The following RCOR3 variants were observed in gnomAD, a reference collection of about 807,000 sequenced individuals.
RCOR3 encodes the protein REST corepressor 3.
RCOR3 carries 13 observed loss-of-function variants against 64.1 expected under a neutral mutation model. The ratio of observed to expected loss-of-function variants is 0.20; its 90% confidence interval spans 0.13 to 0.32. The LOEUF (loss-of-function observed/expected upper bound fraction) is 0.32, where lower values mean the gene tolerates loss of function less well. Among genes scored for constraint, RCOR3 ranks in the 10% least tolerant of loss-of-function variants. The pLI is 1.00. For synonymous variants in RCOR3, 215 were observed against 239.0 expected, an observed-to-expected ratio of 0.90 and a Z score of 0.93; for missense variants, 489 against 701.2, an observed-to-expected ratio of 0.70 and a Z score of 3.42.
chr1:211,297,851 A>G (rs540752364), intron 9 of RCOR3, among the ~76,000 whole-genome samples: 71 of 152,226 alleles, frequency 4.7e-4, no homozygotes, highest in Non-Finnish European at 9.7e-4. Flanking sequence ...CAGGTAATCT[A>G]TCTCCTTACC....
At chr1:211,292,962 T>A (rs1347919444) in intron 8 of RCOR3, among the ~76,000 whole-genome samples, 4 of 152,018 alleles carry the variant, frequency 2.6e-5, no homozygotes, top group South Asian at 2.1e-4. Flanking sequence ...CAGGCTCCTG[T>A]AATCCCAGCT....
chr1:211,283,740 C>T (rs1220710538), intron 7 of RCOR3, among the ~76,000 whole-genome samples: 3 of 151,780 alleles, frequency 2.0e-5, no homozygotes, highest in African/African-American at 7.3e-5. Context: ...AACTTCTGGG[C>T]TCAAATGATC....
At position 211,314,813 on chromosome 1, in the gene RCOR3, A is replaced by G. The variant is rs1701783906; in HGVS notation, c.*1045A>G. 1 of 152,190 alleles carries G rather than the reference A, an allele frequency of 6.6e-6. No homozygotes were observed. The highest frequency in any genetic ancestry group is 1.5e-5 in the Non-Finnish European group (1 of 68,014). 9.4% of individuals were successfully genotyped at this position (152,190 alleles called of 1,614,324 possible). A position where few individuals can be genotyped will look rare whatever the true frequency, so the allele number is the denominator to read the frequency against. On this transcript the variant is annotated 3_prime_UTR_variant, in exon 12 of 12. Transcript: ENST00000419091. ...TTAATATGAAAGGTGTTTTATTGAT[A>G]AATCTATTGTACTATTTGGATACAT...
At chr1:211,275,152 G>A (rs1357538434) in intron 4 of RCOR3, among the ~76,000 whole-genome samples, 1 of 151,804 alleles carries the variant, frequency 6.6e-6, no homozygotes, top group African/African-American at 2.4e-5. Flanking sequence ...TTTCAACTAA[G>A]TATTATTTCA....
intron 2 of RCOR3, among the ~76,000 whole-genome samples, chr1:211,264,228 T>C (rs1344555563): frequency 6.6e-6 from 1 of 152,202 alleles, no homozygotes; most frequent in Non-Finnish European, 1.5e-5. Flanking sequence ...TTTATGGAGA[T>C]TGTTGACCCA....
rs1418961052 is a variant in RCOR3 at position 211,314,610 on chromosome 1, T to C, written c.*842T>C. Reference sequence around the variant, plus strand: ...TTGAAAATGGAGTTGGTTTTTTTTGTTTCTAAATGCTATCTGCTTTTAACT... The same window carrying C: ...TTGAAAATGGAGTTGGTTTTTTTTGCTTCTAAATGCTATCTGCTTTTAACT... On this transcript the variant is annotated 3_prime_UTR_variant, in exon 12 of 12. Transcript: ENST00000419091. 1 of 152,186 alleles carries C rather than the reference T, an allele frequency of 6.6e-6. No homozygotes were observed. Among genetic ancestry groups the C allele is most frequent in the Non-Finnish European group, 1.5e-5 (1 of 68,006 alleles). 9.4% of individuals were successfully genotyped at this position (152,186 alleles called of 1,614,324 possible). A position where few individuals can be genotyped will look rare whatever the true frequency, so the allele number is the denominator to read the frequency against.
intron 2 of RCOR3, among the ~76,000 whole-genome samples, chr1:211,269,957 A>G (rs191817131): frequency 0.012 from 1,873 of 152,290 alleles, 14 homozygotes; most frequent in Middle Eastern, 0.071. Flanking sequence ...GCAAGACTTC[A>G]CATGTTTAAA....
chr1:211,305,476 A>G (rs1021404509), intron 10 of RCOR3, among the ~76,000 whole-genome samples: 2 of 152,204 alleles, frequency 1.3e-5, no homozygotes, highest in African/African-American at 2.4e-5. Context: ...CTACATGTTT[A>G]ATATAGTCAT....
In RCOR3 at chr1:211,289,099, TTCTAATA is replaced by T. The variant is rs1698930557; in HGVS notation, c.721-77_721-71del. 5.5e-6 allele frequency: 6 copies of T among 1,088,038 alleles called. 1 individual carries two copies. Among genetic ancestry groups the T allele is most frequent in the Non-Finnish European group, 8.4e-6 (6 of 713,232 alleles). 67.4% of individuals were successfully genotyped at this position (1,088,038 alleles called of 1,614,324 possible). A position where few individuals can be genotyped will look rare whatever the true frequency, so the allele number is the denominator to read the frequency against. ...TATGTGTACTTATTGCAGCAGATAC[TTCTAATA>T]TTAATAGACTGTTTTCACTTTATAC... is the stretch of plus-strand genomic sequence containing the variant. On this transcript the variant is annotated intron_variant, in intron 7 of 11. Coordinates refer to ENST00000419091, the MANE Select transcript of RCOR3 (RefSeq NM_001136223.3).
chr1:211,300,071 C>CTTTTTT (rs11419492), intron 9 of RCOR3, among the ~76,000 whole-genome samples: 36 of 121,256 alleles, frequency 3.0e-4, no homozygotes, highest in South Asian at 5.4e-4. Flanking sequence ...TTCTTTCTTT[C>CTTTTTT]TTTTTTTTTT....
At position 211,270,764 on chromosome 1, in the gene RCOR3, GTAATGTAAATCTGTTTTCCTTC is replaced by G. The variant is rs1696047282; in HGVS notation, c.224-466_224-445del. Among the ~76,000 whole-genome samples the G allele has an allele frequency of 3.9e-5, 6 of 152,010 alleles. No individual in the cohort carries two copies. In the East Asian group the frequency reaches 9.7e-4, roughly 24 times the overall value. On this transcript the variant is annotated intron_variant, in intron 2 of 11. Coordinates refer to ENST00000419091, the MANE Select transcript of RCOR3 (RefSeq NM_001136223.3). ...TTTATAAGCAAAATATTTACTATAT[GTAATGTAAATCTGTTTTCCTTC>G]TGTTTTCCTATATTTTCTTTACTTG...
intron 9 of RCOR3, 54 bp downstream of exon 9, chr1:211,295,807 G>C: frequency 7.2e-7 from 1 of 1,384,550 alleles, no homozygotes; most frequent in Non-Finnish European, 1.0e-6. Flanking sequence ...TGTTTTTTCA[G>C]TTATCTAGTG....
chr1:211,285,683 T>C (rs1325791292), intron 7 of RCOR3, among the ~76,000 whole-genome samples: 3 of 152,256 alleles, frequency 2.0e-5, no homozygotes, highest in African/African-American at 7.2e-5. Context: ...CTTAGGGATA[T>C]TATCTTGGTA....
chr1:211,276,814 G>T (rs188178296), intron 5 of RCOR3, among the ~76,000 whole-genome samples: 1 of 152,048 alleles, frequency 6.6e-6, no homozygotes, highest in Non-Finnish European at 1.5e-5. Context: ...TAGGCCGGGC[G>T]CGGTGGCTCA....
chr1:211,281,625 T>C (rs1697822627), intron 7 of RCOR3, among the ~76,000 whole-genome samples: 1 of 152,232 alleles, frequency 6.6e-6, no homozygotes. Context: ...TATTTCAGAT[T>C]ACTAACAGTG....
intron 10 of RCOR3, among the ~76,000 whole-genome samples, chr1:211,308,953 C>A (rs535539051): frequency 2.0e-5 from 3 of 151,808 alleles, no homozygotes; most frequent in Non-Finnish European, 2.9e-5. Flanking sequence ...TTCAAGTGGT[C>A]TGTCTGCCTT....
intron 8 of RCOR3, chr1:211,291,686 T>G (rs1699259207): frequency 2.9e-5 from 12 of 407,102 alleles, no homozygotes; most frequent in South Asian, 2.2e-4. Flanking sequence ...TCCTGGTTAT[T>G]CACCCAAACT....
intron 7 of RCOR3, among the ~76,000 whole-genome samples, chr1:211,288,587 TTATTA>T (rs1247525483): frequency 6.8e-6 from 1 of 147,656 alleles, no homozygotes; most frequent in African/African-American, 2.4e-5. Context: ...TTTATTTTAT[TTATTA>T]TATTTATTAT....
At chr1:211,289,827 C>G (rs995381871) in intron 8 of RCOR3, among the ~76,000 whole-genome samples, 1 of 152,158 alleles carries the variant, frequency 6.6e-6, no homozygotes, top group African/African-American at 2.4e-5. Flanking sequence ...ATTGTAAGGG[C>G]AGCATCATCA....
Sources: allele counts gnomAD v4.1 joint callset (sites outside exome capture counted in the v4.1 genomes callset), GRCh38; gene constraint gnomAD v4.1.1; transcripts MANE v1.5; gene names NCBI Gene and HGNC (gene_info 2026-07-23, HGNC 2026-07-21).